AFF1: variants seen among roughly 807,000 people sequenced by gnomAD.
AFF1 encodes AF4/FMR2 family member 1.
In AFF1, 48 loss-of-function variants were observed where a neutral mutation model predicts 121.7. The ratio of observed to expected loss-of-function variants is 0.39; its 90% CI spans 0.31 to 0.50. AFF1 has a LOEUF of 0.50. AFF1 is among the 20% of genes least tolerant of loss of function. AFF1 has a pLI of 0.76. For missense variants in AFF1, 1,523 were observed against 1,511.7 expected, an observed-to-expected ratio of 1.01 and a Z score of -0.12; for synonymous variants, 613 against 563.0, an observed-to-expected ratio of 1.09 and a Z score of -1.26.
chr4:87,060,835 C>CAAAAAAAAAAAAAAAAAAAAAAAAAAAA (rs749186199), intron 4 of AFF1, among the ~76,000 whole-genome samples: 4 of 62,298 alleles, frequency 6.4e-5, no homozygotes, highest in Non-Finnish European at 9.6e-5. Flanking sequence ...GACTCTGTCT[C>CAAAAAAAAAAAAAAAAAAAAAAAAAAAA]AAAAAAAAAA....
chr4:87,032,024 A>G (rs1193261632), intron 2 of AFF1, among the ~76,000 whole-genome samples: 1 of 152,230 alleles, frequency 6.6e-6, no homozygotes, highest in African/African-American at 2.4e-5. Context: ...TTCTGCATAT[A>G]AATGTTGATA....
intron 2 of AFF1, among the ~76,000 whole-genome samples, chr4:86,995,993 C>G (rs1403912643): frequency 8.6e-6 from 1 of 116,298 alleles, no homozygotes; most frequent in Non-Finnish European, 2.2e-5. Flanking sequence ...CCCCTCCGCC[C>G]GGCAGCCGCC....
intron 1 of AFF1, 47 bp from the exon 2 acceptor site, chr4:86,948,451 T>G: frequency 7.6e-7 from 1 of 1,317,456 alleles, no homozygotes; most frequent in Non-Finnish European, 1.0e-6. Context: ...ATCCCTGAAT[T>G]TACTCACAGG....
At chr4:86,984,008 G>A (rs931791559) in intron 2 of AFF1, among the ~76,000 whole-genome samples, 4 of 152,048 alleles carry the variant, frequency 2.6e-5, no homozygotes. Context: ...CTGCACTCCA[G>A]CCTGGGTGAC....
chr4:87,057,095 T>G (rs1720224111), intron 4 of AFF1, among the ~76,000 whole-genome samples: 2 of 152,126 alleles, frequency 1.3e-5, no homozygotes, highest in African/African-American at 4.8e-5. Flanking sequence ...ATTTTTTTTT[T>G]AAGAGTTGAC....
chr4:87,094,966 C>T lies in AFF1; in HGVS notation c.1280C>T (p.Ser427Leu). ...CACTCAAATTCTCAGCAAGGAACGT[C>T]ATCGTAAGTGAAATGCTTTTTGTGT... The part of the protein sequence containing the change: ...KTHSNSQQGT[S>L]SMLEDDLQLS... The change falls in exon 8 of 21, where the codon TCA becomes TTA. Residue 427 changes from serine to leucine, a missense_variant. This residue lies in a region of AFF1 where 905 missense variants were observed against 842.5 expected (regional missense o/e 1.07). Transcript: ENST00000395146. The T allele has an allele frequency of 6.2e-7, 1 of 1,613,006 alleles. No homozygotes were observed. The highest frequency in any genetic ancestry group is 8.5e-7 in the Non-Finnish European group (1 of 1,179,004).
chr4:87,118,683 A>G (rs1329403842), intron 12 of AFF1, among the ~76,000 whole-genome samples: 1 of 151,980 alleles, frequency 6.6e-6, no homozygotes, highest in East Asian at 1.9e-4. Context: ...ATGGGGTTTC[A>G]CTTTGTTGCC....
At chr4:87,049,035 T>G (rs1731000866) in intron 4 of AFF1, among the ~76,000 whole-genome samples, 1 of 146,740 alleles carries the variant, frequency 6.8e-6, no homozygotes, top group African/African-American at 2.5e-5. Context: ...AATGAGAGTT[T>G]CTTTCTTTCT....
intron 4 of AFF1, among the ~76,000 whole-genome samples, chr4:87,055,381 T>A (rs1380932941): frequency 6.6e-6 from 1 of 152,068 alleles, no homozygotes; most frequent in Non-Finnish European, 1.5e-5. Flanking sequence ...TTAATTGGAG[T>A]TGTTTTTACT....
At chr4:87,019,886 G>GGA (rs1553918049) in intron 2 of AFF1, among the ~76,000 whole-genome samples, 1 of 106,502 alleles carries the variant, frequency 9.4e-6, no homozygotes, top group Non-Finnish European at 2.0e-5. Flanking sequence ...GAAGGGGTCG[G>GGA]GGGGGGGCAG....
chr4:86,982,848 C>CAAAAAAAAAAAAAAAAAAAAAAAAAAAA (rs59568294), intron 2 of AFF1, among the ~76,000 whole-genome samples: 1 of 53,804 alleles, frequency 1.9e-5, no homozygotes, highest in African/African-American at 6.8e-5. Context: ...ACTCTGTCTC[C>CAAAAAAAAAAAAAAAAAAAAAAAAAAAA]AAAAAAAAAA....
intron 5 of AFF1, among the ~76,000 whole-genome samples, chr4:87,085,898 C>T (rs564845028): frequency 2.6e-5 from 4 of 152,138 alleles, no homozygotes; most frequent in East Asian, 1.9e-4. Flanking sequence ...GCCAGTACGC[C>T]CTGCTAATTT....
intron 12 of AFF1, among the ~76,000 whole-genome samples, chr4:87,116,181 T>C (rs191956106): frequency 1.2e-4 from 18 of 152,366 alleles, no homozygotes; most frequent in African/African-American, 4.3e-4. Flanking sequence ...AATGGCACGT[T>C]GCAAAGTGTT....
chr4:86,979,480 C>G (rs932866113), intron 2 of AFF1, among the ~76,000 whole-genome samples: 1 of 152,114 alleles, frequency 6.6e-6, no homozygotes, highest in Non-Finnish European at 1.5e-5. Context: ...TGAACTGATA[C>G]GAATAAAACC....
At chr4:87,000,216 C>A (rs1725579529) in intron 2 of AFF1, among the ~76,000 whole-genome samples, 1 of 152,182 alleles carries the variant, frequency 6.6e-6, no homozygotes, top group Non-Finnish European at 1.5e-5. Flanking sequence ...TATTACCACC[C>A]CTTTTCCTGT....
intron 2 of AFF1, among the ~76,000 whole-genome samples, chr4:87,009,612 T>C (rs1726524908): frequency 6.6e-6 from 1 of 152,240 alleles, no homozygotes; most frequent in Non-Finnish European, 1.5e-5. Flanking sequence ...TCACATTTTG[T>C]AAATGTGCAT....
intron 1 of AFF1, among the ~76,000 whole-genome samples, chr4:86,944,140 T>TTAA: frequency 2.1e-5 from 2 of 96,182 alleles, no homozygotes; most frequent in Non-Finnish European, 4.1e-5. Flanking sequence ...CAAGACCCTG[T>TTAA]AAAAAAAAAA....
chr4:87,052,374 C>G (rs1038301542), intron 4 of AFF1, among the ~76,000 whole-genome samples: 9 of 152,140 alleles, frequency 5.9e-5, no homozygotes, highest in Admixed American at 5.9e-4. Context: ...GATACTGCCA[C>G]TGAACTCCAG....
At chr4:86,948,598 A>T in intron 2 of AFF1, 27 bp downstream of exon 2, 2 of 1,527,806 alleles carry the variant, frequency 1.3e-6, no homozygotes, top group African/African-American at 2.7e-5. Flanking sequence ...TGATTCAAAG[A>T]CATGCTGATA....
Sources: gnomAD v4.1 joint callset for allele counts (sites outside exome capture counted in the v4.1 genomes callset) on GRCh38, gnomAD v4.1.1 for gene constraint, gnomAD v4.1.1 regional missense constraint, MANE v1.5 for transcripts, NCBI Gene and HGNC (gene_info 2026-07-23, HGNC 2026-07-21) for gene names.